NEDD4: variants seen among roughly 807,000 people sequenced by gnomAD.
NEDD4 encodes the protein E3 ubiquitin-protein ligase NEDD4.
NEDD4 carries 99 observed loss-of-function variants against 144.9 expected under a neutral mutation model. The ratio of observed to expected loss-of-function variants is 0.68; its 90% CI spans 0.58 to 0.81. The LOEUF (loss-of-function observed/expected upper bound fraction) is 0.81, where lower values mean the gene tolerates loss of function less well. NEDD4 is among the 30% of genes least tolerant of loss of function. NEDD4 has a pLI of 0.00. For synonymous variants in NEDD4, 318 were observed against 350.6 expected (o/e 0.91, Z 1.04); for missense variants, 985 against 1,065.9 (o/e 0.92, Z 1.06).
At chr15:55,990,404 G>A (rs1214080097) in intron 1 of NEDD4, among the ~76,000 whole-genome samples, 1 of 152,014 alleles carries the variant, frequency 6.6e-6, no homozygotes, top group Non-Finnish European at 1.5e-5. Context: ...AGATGATCAG[G>A]AGTCATCACC....
At chr15:55,882,665 G>A (rs373824433) in intron 5 of NEDD4, among the ~76,000 whole-genome samples, 10 of 152,296 alleles carry the variant, frequency 6.6e-5, no homozygotes, top group African/African-American at 2.4e-4. Context: ...TGGACTTGGG[G>A]GGCAGGTGAT....
At chr15:55,895,207 TATG>T (rs2035701434) in intron 5 of NEDD4, among the ~76,000 whole-genome samples, 2 of 152,218 alleles carry the variant, frequency 1.3e-5, no homozygotes, top group Non-Finnish European at 2.9e-5. Context: ...GAGCACTAAT[TATG>T]ATATTAATTT....
intron 5 of NEDD4, among the ~76,000 whole-genome samples, chr15:55,908,727 A>G (rs2036178583): frequency 6.6e-6 from 1 of 152,198 alleles, no homozygotes; most frequent in African/African-American, 2.4e-5. Context: ...CCATTCTCTA[A>G]TTCCTTAATA....
intron 5 of NEDD4, chr15:55,915,909 T>A: frequency 1.2e-6 from 2 of 1,614,050 alleles, no homozygotes; most frequent in Non-Finnish European, 1.7e-6. Context: ...ATCCTCATTA[T>A]GTGCAATTTC....
intron 5 of NEDD4, among the ~76,000 whole-genome samples, chr15:55,906,289 C>A (rs1191697681): frequency 6.6e-6 from 1 of 152,098 alleles, no homozygotes. Flanking sequence ...TGGGTATATA[C>A]CCAAAGGATT....
chr15:55,952,481 T>C (rs2037259783), intron 2 of NEDD4, among the ~76,000 whole-genome samples: 1 of 152,184 alleles, frequency 6.6e-6, no homozygotes, highest in South Asian at 2.1e-4. Context: ...ATTTCTCCTG[T>C]TTTCCTCGGG....
Position 55,838,582 on chromosome 15 carries a change from A to G in NEDD4, c.2054T>C (p.Leu685Pro). Residue 685 changes from leucine to proline, a missense_variant, in exon 22 of 29, where the codon CTA becomes CCA. Leu to Pro is a moderately conservative substitution (Grantham distance 98). Coordinates refer to ENST00000435532, the MANE Select transcript of NEDD4 (RefSeq NM_006154.4). The part of the protein sequence containing the change: ...ESVDSEYYNS[L>P]RWILENDPTE... ...TGGGTCATTTTCAAGAATCCATCTT[A>G]GGGAATTGTAATATTCACTATCCTA... 1 of 1,611,644 alleles carries G rather than the reference A, an allele frequency of 6.2e-7. No homozygotes were observed. Among genetic ancestry groups the G allele is most frequent in the Non-Finnish European group, 8.5e-7 (1 of 1,178,356 alleles).
intron 5 of NEDD4, among the ~76,000 whole-genome samples, chr15:55,907,838 T>C (rs1010434545): frequency 1.4e-4 from 22 of 152,186 alleles, no homozygotes; most frequent in African/African-American, 5.1e-4. Context: ...GTCCATTCAA[T>C]CTTCTTTTCA....
chr15:55,917,662 G>A (rs1595843737), intron 5 of NEDD4, among the ~76,000 whole-genome samples: 1 of 152,012 alleles, frequency 6.6e-6, no homozygotes, highest in East Asian at 1.9e-4. Flanking sequence ...CTGAAGCATA[G>A]GTTCAAGAAA....
chr15:55,870,977 C>T (rs1204466700), intron 7 of NEDD4, among the ~76,000 whole-genome samples: 5 of 152,074 alleles, frequency 3.3e-5, no homozygotes, highest in African/African-American at 1.2e-4. Flanking sequence ...CTTTGTCTTT[C>T]TAGACAAGAG....
intron 5 of NEDD4, among the ~76,000 whole-genome samples, chr15:55,920,783 A>G (rs1281599430): frequency 6.6e-6 from 1 of 152,168 alleles, no homozygotes; most frequent in Non-Finnish European, 1.5e-5. Flanking sequence ...TTGCTATACA[A>G]TCAGGTCTGT....
intron 12 of NEDD4, among the ~76,000 whole-genome samples, chr15:55,855,570 T>C (rs2142019415): frequency 6.6e-6 from 1 of 152,270 alleles, no homozygotes; most frequent in African/African-American, 2.4e-5. Flanking sequence ...AGGAAGAGGA[T>C]GGAGGCAGGG....
chr15:55,949,008 T>A (rs1420277563), intron 4 of NEDD4, among the ~76,000 whole-genome samples: 1 of 152,182 alleles, frequency 6.6e-6, no homozygotes, highest in Admixed American at 6.5e-5. Flanking sequence ...ACCATCAGCA[T>A]GAACAGGCAA....
intron 5 of NEDD4, among the ~76,000 whole-genome samples, chr15:55,903,996 C>T (rs1227599784): frequency 1.3e-5 from 2 of 151,572 alleles, no homozygotes; most frequent in Non-Finnish European, 1.5e-5. Context: ...CCCATCTCTA[C>T]TAAAAACACA....
intron 4 of NEDD4, among the ~76,000 whole-genome samples, chr15:55,931,621 G>C (rs945490042): frequency 5.9e-5 from 9 of 152,084 alleles, no homozygotes; most frequent in African/African-American, 1.9e-4. Flanking sequence ...AAAATATCCA[G>C]TTTTCCAAAA....
intron 4 of NEDD4, among the ~76,000 whole-genome samples, chr15:55,947,391 A>G (rs2037137457): frequency 6.6e-6 from 1 of 152,248 alleles, no homozygotes; most frequent in African/African-American, 2.4e-5. Context: ...AAACACCTCT[A>G]TGCAAATAAA....
chr15:55,834,261 T>C lies in NEDD4; in HGVS notation c.2288A>G (p.Asp763Gly). Residue 763 changes from aspartate to glycine, a missense_variant, in exon 25 of 29, where the codon GAT (aspartate) becomes GGT (glycine). By Grantham distance (94) the Asp-to-Gly change is moderately conservative. Transcript: ENST00000435532. ...KEGFFELIPQDLIKIFDENEL... is the reference protein window; with the variant it reads ...KEGFFELIPQGLIKIFDENEL... ...ATTTTCATCAAAAATTTTGATGAGA[T>C]CCTGTGGTATTAGTTCAAAGAATCC... 1 of 1,608,636 alleles carries C rather than the reference T, an allele frequency of 6.2e-7. No homozygotes were observed.
At chr15:55,987,894 A>C (rs2037919326) in intron 1 of NEDD4, 1 of 103,918 alleles carries the variant, frequency 9.6e-6, no homozygotes, top group African/African-American at 3.8e-5. Flanking sequence ...TATAGTTTGA[A>C]GTCAGGTAGT....
intron 1 of NEDD4, among the ~76,000 whole-genome samples, chr15:55,977,737 G>GTT (rs61351311): frequency 6.8e-6 from 1 of 147,642 alleles, no homozygotes; most frequent in Admixed American, 6.8e-5. Context: ...ATTTAATCTT[G>GTT]TTTTTTTTTT....
Sources: allele counts gnomAD v4.1 joint callset (sites outside exome capture counted in the v4.1 genomes callset), GRCh38; gene constraint gnomAD v4.1.1; transcripts MANE v1.5; gene names NCBI Gene and HGNC (gene_info 2026-07-23, HGNC 2026-07-21).